The following PCGF5 variants were observed in gnomAD, a reference collection of about 807,000 sequenced individuals.
The protein encoded by PCGF5 is polycomb group ring finger 5, also known as polycomb group RING finger protein 5.
Under a neutral mutation model 44.3 loss-of-function variants are expected in PCGF5, and 9 were observed. The observed-to-expected ratio is 0.20, with a 90% CI of 0.12 to 0.35. The LOEUF (loss-of-function observed/expected upper bound fraction) is 0.35, where lower values mean the gene tolerates loss of function less well. Ranked by LOEUF, PCGF5 falls within the 10% of genes least tolerant of loss-of-function variation. PCGF5 has a pLI of 1.00. For synonymous variants in PCGF5, 95 were observed against 102.5 expected (o/e 0.93, Z 0.44); for missense variants, 146 against 305.3 (o/e 0.48, Z 3.89).
At chr10:91,199,766 G>C (rs752637259) in intron 1 of PCGF5, among the ~76,000 whole-genome samples, 7 of 150,844 alleles carry the variant, frequency 4.6e-5, no homozygotes, top group Non-Finnish European at 8.9e-5. Flanking sequence ...CCTCTTGTTT[G>C]ACAGATAGGG....
At chr10:91,248,417 C>A in intron 3 of PCGF5, 88 bp from the exon 4 acceptor site, 1 of 1,168,114 alleles carries the variant, frequency 8.6e-7, no homozygotes, top group Non-Finnish European at 1.3e-6. Flanking sequence ...TATTTTGTAA[C>A]ATGTATAAGA....
chr10:91,215,910 T>A (rs552109363), upstream of PCGF5, among the ~76,000 whole-genome samples: 81 of 152,328 alleles, frequency 5.3e-4, 1 homozygote, highest in African/African-American at 1.8e-3. Context: ...TAATTAATAA[T>A]CCAAGAAGGC....
At chr10:91,276,105 G>GA (rs60879476) in intron 9 of PCGF5, among the ~76,000 whole-genome samples, 6,402 of 138,790 alleles carry the variant, frequency 0.046, 416 homozygotes, top group African/African-American at 0.14. Flanking sequence ...TTCCAGTTTT[G>GA]AAAAAAAAAA....
chr10:91,234,744 C>T (rs1231927379), intron 2 of PCGF5, among the ~76,000 whole-genome samples: 1 of 152,158 alleles, frequency 6.6e-6, no homozygotes, highest in Non-Finnish European at 1.5e-5. Context: ...GTAAACTTTA[C>T]ATATATTATC....
chr10:91,223,114 T>G (rs1052106218), intron 2 of PCGF5, 131 bp downstream of exon 2: 2 of 660,154 alleles, frequency 3.0e-6, no homozygotes, highest in Non-Finnish European at 2.6e-6. Flanking sequence ...TTATTTTAAC[T>G]TTGAATTTTC....
intron 6 of PCGF5, among the ~76,000 whole-genome samples, chr10:91,257,018 G>T (rs1340824977): frequency 6.6e-6 from 1 of 152,056 alleles, no homozygotes; most frequent in Non-Finnish European, 1.5e-5. Context: ...GACACTTAAA[G>T]TGAAAAAAGT....
intron 9 of PCGF5, among the ~76,000 whole-genome samples, chr10:91,274,304 G>T (rs569025222): frequency 6.6e-6 from 1 of 152,262 alleles, no homozygotes; most frequent in Non-Finnish European, 1.5e-5. Context: ...TTTTTACAAA[G>T]AGTAATGAGA....
At position 91,269,508 on chromosome 10, in the gene PCGF5, C is replaced by G. The variant is rs188007619; in HGVS notation, c.664-2130C>G. On this transcript the variant is annotated intron_variant, in intron 8 of 9. Coordinates refer to ENST00000336126, the MANE Select transcript of PCGF5 (RefSeq NM_032373.5). ...TGGCTGTAGCATAATTTGATTAACA[C>G]ACCCCTTTGATGGACATTTAGATTT... is the stretch of plus-strand genomic sequence containing the variant. Among the ~76,000 whole-genome samples, 663 of 152,234 alleles carry G rather than the reference C, an allele frequency of 4.4e-3. 4 individuals carry two copies. The highest frequency in any genetic ancestry group is 0.023 in the South Asian group (111 of 4,816).
At chr10:91,199,837 C>A (rs1207190639) in intron 1 of PCGF5, among the ~76,000 whole-genome samples, 2 of 152,038 alleles carry the variant, frequency 1.3e-5, no homozygotes, top group Non-Finnish European at 2.9e-5. Context: ...AAACAGACCC[C>A]AAGACAAGAA....
chr10:91,251,283 A>G lies in PCGF5; in HGVS notation c.326-9A>G, dbSNP rs1429951323. The G allele has an allele frequency of 6.3e-7, 1 of 1,597,292 alleles. No homozygotes were observed. Among genetic ancestry groups the G allele is most frequent in the Non-Finnish European group, 8.6e-7 (1 of 1,168,656 alleles). On this transcript the variant is annotated splice_polypyrimidine_tract_variant and intron_variant, in intron 5 of 9. Transcript: ENST00000336126. ...TTATAGCTAACTTAGTTTTGTTTAA[A>G]TTATACAGATGATACTTCAAAAGCT...
At position 91,281,030 on chromosome 10, in the gene PCGF5, A is replaced by C. The variant is rs1178872450; in HGVS notation, c.*2714A>C. On this transcript the variant is annotated 3_prime_UTR_variant, in exon 10 of 10. Coordinates refer to ENST00000336126, the MANE Select transcript of PCGF5 (RefSeq NM_032373.5). Reference sequence around the variant, plus strand: ...CTGCCTTAGAAATTATAAGTATAAAAGGGTCAAGGGAACTTAGATATAAAG... The same window carrying C: ...CTGCCTTAGAAATTATAAGTATAAACGGGTCAAGGGAACTTAGATATAAAG... The C allele has an allele frequency of 1.3e-5, 2 of 152,524 alleles. No individual in the cohort carries two copies. The highest frequency in any genetic ancestry group is 3.8e-4 in the East Asian group (2 of 5,208). 9.4% of individuals were successfully genotyped at this position (152,524 alleles called of 1,614,324 possible).
At chr10:91,176,049 C>T (rs907009189) in intron 1 of PCGF5, among the ~76,000 whole-genome samples, 13 of 152,126 alleles carry the variant, frequency 8.5e-5, no homozygotes, top group East Asian at 1.9e-4. Flanking sequence ...TGGCTGGTAC[C>T]GGTTGTTCCT....
intron 1 of PCGF5, among the ~76,000 whole-genome samples, chr10:91,186,390 TAAAA>T (rs1843923873): frequency 1.3e-5 from 2 of 152,182 alleles, no homozygotes; most frequent in African/African-American, 4.8e-5. Context: ...TGAAGGAATA[TAAAA>T]GCTGCATGAT....
At chr10:91,168,951 AAAAAAAAG>A (rs1843553220) in intron 1 of PCGF5, among the ~76,000 whole-genome samples, 1 of 148,790 alleles carries the variant, frequency 6.7e-6, no homozygotes, top group Non-Finnish European at 1.5e-5. Flanking sequence ...AAAAAAAAAA[AAAAAAAAG>A]AAGGCTTGAT....
intron 5 of PCGF5, among the ~76,000 whole-genome samples, chr10:91,250,799 T>C (rs1447099354): frequency 6.6e-6 from 1 of 151,918 alleles, no homozygotes; most frequent in African/African-American, 2.4e-5. Context: ...TAATTCATTA[T>C]ACTCGTTTTT....
intron 1 of PCGF5, among the ~76,000 whole-genome samples, chr10:91,179,791 A>AT (rs1390223614): frequency 6.6e-6 from 1 of 152,178 alleles, no homozygotes; most frequent in Non-Finnish European, 1.5e-5. Flanking sequence ...GCTACTGTGA[A>AT]TAGTGCTGTG....
chr10:91,180,276 T>A (rs11594071), intron 1 of PCGF5, among the ~76,000 whole-genome samples: 5 of 151,970 alleles, frequency 3.3e-5, no homozygotes. Context: ...TTGCAAAAAT[T>A]TTCTCCCATT....
intron 1 of PCGF5, among the ~76,000 whole-genome samples, chr10:91,210,851 G>A (rs1190410890): frequency 1.3e-5 from 2 of 152,200 alleles, no homozygotes; most frequent in African/African-American, 4.8e-5. Context: ...GGAGATAGTA[G>A]TAAGTAGGAG....
intron 3 of PCGF5, among the ~76,000 whole-genome samples, chr10:91,245,401 A>G (rs1032823064): frequency 1.3e-5 from 2 of 152,054 alleles, no homozygotes; most frequent in African/African-American, 2.4e-5. Flanking sequence ...TTAAGAGAGG[A>G]AAGGAGGGAG....
Sources: allele counts gnomAD v4.1 joint callset (sites outside exome capture counted in the v4.1 genomes callset), GRCh38; gene constraint gnomAD v4.1.1; transcripts MANE v1.5; gene names NCBI Gene and HGNC (gene_info 2026-07-23, HGNC 2026-07-21).